Variants in KCTD8 observed in about 807,000 individuals in gnomAD.
KCTD8 encodes potassium channel tetramerization domain containing 8, also known as BTB/POZ domain-containing protein KCTD8.
KCTD8 carries 27 observed loss-of-function variants against 31.5 expected under a neutral mutation model. That is an observed-to-expected ratio of 0.86 (90% CI 0.63 to 1.18). KCTD8 has a LOEUF of 1.18. KCTD8 is among the 50% of genes most tolerant of loss of function. The probability of loss-of-function intolerance (pLI) is 0.00; values close to 1 mark genes in which losing one functional copy is unlikely to be tolerated. For synonymous variants in KCTD8, 290 were observed against 280.0 expected (o/e 1.04, Z -0.36); for missense variants, 658 against 647.7 (o/e 1.02, Z -0.17).
intron 1 of KCTD8, among the ~76,000 whole-genome samples, chr4:44,442,550 C>CACTCCAGCCTGGGTGACAGAGCAAA (rs1169454343): frequency 2.0e-5 from 3 of 152,064 alleles, no homozygotes; most frequent in African/African-American, 4.8e-5. Flanking sequence ...CACACCACTG[C>CACTCCAGCCTGGGTGACAGAGCAAA]ACTCCAGCCT....
intron 1 of KCTD8, among the ~76,000 whole-genome samples, chr4:44,183,001 T>A (rs1713473983): frequency 6.6e-6 from 1 of 152,200 alleles, no homozygotes; most frequent in African/African-American, 2.4e-5. Context: ...AATATCCATG[T>A]GCTAATTGGC....
chr4:44,390,703 G>C (rs1041778759), intron 1 of KCTD8, among the ~76,000 whole-genome samples: 2 of 151,830 alleles, frequency 1.3e-5, no homozygotes, highest in African/African-American at 4.8e-5. Flanking sequence ...ATTCCTGCAA[G>C]AATGGCTATA....
At chr4:44,422,810 G>A (rs1560451122) in intron 1 of KCTD8, among the ~76,000 whole-genome samples, 1 of 152,018 alleles carries the variant, frequency 6.6e-6, no homozygotes, top group Non-Finnish European at 1.5e-5. Flanking sequence ...AAATGAAGTA[G>A]CCCAGAAGGC....
chr4:44,373,504 G>A (rs1719843487), intron 1 of KCTD8, among the ~76,000 whole-genome samples: 1 of 152,010 alleles, frequency 6.6e-6, no homozygotes. Context: ...TTTGTAAATG[G>A]AGACCATAAG....
intron 1 of KCTD8, among the ~76,000 whole-genome samples, chr4:44,385,863 A>T (rs1231474969): frequency 4.6e-5 from 7 of 151,584 alleles, no homozygotes; most frequent in Admixed American, 6.6e-5. Flanking sequence ...AACAACTATT[A>T]AAAAAACTTG....
chr4:44,216,590 C>T lies in KCTD8; in HGVS notation c.962-41340G>A, dbSNP rs541982435. 9.2e-5 allele frequency among the ~76,000 whole-genome samples: 14 copies of T among 152,064 alleles called. No homozygotes were observed. The South Asian group carries it at 2.5e-3, about 27-fold the overall frequency. On this transcript the variant is annotated intron_variant, in intron 1 of 1. Transcript: ENST00000360029. ...GAAGATGAAAACCATACACACAGTT[C>T]AATTGTGATTTTTCACTTCAGGATG... is the stretch of plus-strand genomic sequence containing the variant.
intron 1 of KCTD8, among the ~76,000 whole-genome samples, chr4:44,320,386 A>T (rs1298475037): frequency 6.6e-6 from 1 of 152,006 alleles, no homozygotes; most frequent in African/African-American, 2.4e-5. Context: ...TTTTAAGGGC[A>T]CTTTAAAGAG....
intron 1 of KCTD8, among the ~76,000 whole-genome samples, chr4:44,218,295 G>A (rs533408770): frequency 6.0e-5 from 9 of 151,238 alleles, no homozygotes; most frequent in African/African-American, 1.9e-4. Context: ...CACCACACCC[G>A]GCTAATTTTT....
intron 1 of KCTD8, among the ~76,000 whole-genome samples, chr4:44,347,393 T>C (rs963648439): frequency 6.6e-6 from 1 of 152,156 alleles, no homozygotes; most frequent in Admixed American, 6.5e-5. Context: ...CAGCTTTCAC[T>C]GGCAACTAAA....
chr4:44,279,911 A>T (rs1317900863), intron 1 of KCTD8, among the ~76,000 whole-genome samples: 1 of 152,046 alleles, frequency 6.6e-6, no homozygotes, highest in African/African-American at 2.4e-5. Flanking sequence ...TTTTGATCTC[A>T]TTCATACAGG....
At chr4:44,401,928 A>C (rs1720674497) in intron 1 of KCTD8, among the ~76,000 whole-genome samples, 1 of 152,164 alleles carries the variant, frequency 6.6e-6, no homozygotes, top group Admixed American at 6.5e-5. Context: ...TCCCAAAATA[A>C]TTTTACACAA....
intron 1 of KCTD8, among the ~76,000 whole-genome samples, chr4:44,197,597 A>C (rs1391417903): frequency 6.6e-6 from 1 of 152,200 alleles, no homozygotes; most frequent in Non-Finnish European, 1.5e-5. Flanking sequence ...ATAAGGCAAA[A>C]ATTAGGCCAC....
rs148838537 is a variant in KCTD8, at chr4:44,242,307, G to A, written c.962-67057C>T. On this transcript the variant is annotated intron_variant, in intron 1 of 1. Coordinates refer to ENST00000360029, the MANE Select transcript of KCTD8 (RefSeq NM_198353.3). ...AAAAACTTGTTGATAGGCCGGGCGC[G>A]GTGGCTCACGCCTGTAATCCCAGCA... Among the ~76,000 whole-genome samples, 835 of 152,272 alleles carry A rather than the reference G, an allele frequency of 5.5e-3. 27 individuals are homozygous for A. The South Asian group carries it at 0.076, about 14-fold the overall frequency.
chr4:44,442,774 T>TACACACGTATATACACACAC (rs10938342), intron 1 of KCTD8, among the ~76,000 whole-genome samples: 7 of 147,342 alleles, frequency 4.8e-5, no homozygotes, highest in South Asian at 2.2e-4. Flanking sequence ...AACTAAGGTA[T>TACACACGTATATACACACAC]ACACACACAC....
intron 1 of KCTD8, among the ~76,000 whole-genome samples, chr4:44,397,885 T>C (rs1720547772): frequency 6.6e-6 from 1 of 152,102 alleles, no homozygotes; most frequent in Non-Finnish European, 1.5e-5. Flanking sequence ...AAAAAATTGA[T>C]TTTTTTGTGG....
intron 1 of KCTD8, among the ~76,000 whole-genome samples, chr4:44,421,457 A>G (rs1417646624): frequency 6.6e-6 from 1 of 152,132 alleles, no homozygotes; most frequent in Non-Finnish European, 1.5e-5. Flanking sequence ...ATTCTGATTC[A>G]GTATATCTCT....
intron 1 of KCTD8, among the ~76,000 whole-genome samples, chr4:44,403,427 TA>T (rs35324683): frequency 0.54 from 77,148 of 143,800 alleles, 20,580 homozygotes; most frequent in Non-Finnish European, 0.59. Context: ...GGGCTACCAT[TA>T]AAAAAAAAAA....
intron 1 of KCTD8, among the ~76,000 whole-genome samples, chr4:44,190,111 C>G (rs1057364762): frequency 2.6e-5 from 4 of 152,094 alleles, no homozygotes; most frequent in Non-Finnish European, 5.9e-5. Context: ...TCTTTATATC[C>G]TTTTATCCAT....
At chr4:44,218,324 G>T (rs1264795783) in intron 1 of KCTD8, among the ~76,000 whole-genome samples, 1 of 151,210 alleles carries the variant, frequency 6.6e-6, no homozygotes, top group Non-Finnish European at 1.5e-5. Context: ...AGTAGAGACA[G>T]GGTTTCGCCA....
Sources: gnomAD v4.1 joint callset for allele counts (sites outside exome capture counted in the v4.1 genomes callset) on GRCh38, gnomAD v4.1.1 for gene constraint, MANE v1.5 for transcripts, NCBI Gene and HGNC (gene_info 2026-07-23, HGNC 2026-07-21) for gene names.